Variants in ERC1 observed in about 807,000 individuals in gnomAD.
ERC1 encodes the protein RAB6 interacting protein 2.
Under a neutral mutation model 132.0 loss-of-function variants are expected in ERC1, and 56 were observed. The ratio of observed to expected loss-of-function variants is 0.42; its 90% CI spans 0.34 to 0.53. The LOEUF (loss-of-function observed/expected upper bound fraction) is 0.53, where lower values mean the gene tolerates loss of function less well. Ranked by LOEUF, ERC1 falls within the 20% of genes least tolerant of loss-of-function variation. The pLI, the probability that ERC1 is intolerant of heterozygous loss-of-function variation, is 0.03. For synonymous variants in ERC1, 478 were observed against 476.1 expected (o/e 1.00, Z -0.05); for missense variants, 1,202 against 1,349.9 (o/e 0.89, Z 1.72).
intron 12 of ERC1, among the ~76,000 whole-genome samples, chr12:1,195,875 GCCCC>G (rs5795962): frequency 1.0e-5 from 1 of 97,682 alleles, no homozygotes; most frequent in African/African-American, 3.8e-5. Flanking sequence ...ACTTATTTCC[GCCCC>G]CCCCCCCCTT....
In ERC1 at chr12:1,289,084, TACACACACACACACACAC is replaced by T. The variant is rs57334239; in HGVS notation, c.2620-738_2620-721del. ...TTCTGTCTCCTTTCTATCTGGTATGTACACACACACACACACACACACACACACACACACACACACACA... is the reference window on the plus strand; with the variant it reads ...TTCTGTCTCCTTTCTATCTGGTATGTACACACACACACACACACACACACA... On this transcript the variant is annotated intron_variant, in intron 14 of 18. Coordinates refer to ENST00000360905, the MANE Select transcript of ERC1 (RefSeq NM_178040.4). 7.7e-3 allele frequency among the ~76,000 whole-genome samples: 787 copies of T among 102,874 alleles called. 9 individuals carry two copies. Among genetic ancestry groups the T allele is most frequent in the African/African-American group, 0.027 (724 of 26,976 alleles). The allele number at this position is 102,874 out of a possible 152,430, so 67.5% of individuals were successfully genotyped here.
At chr12:1,075,892 G>A (rs1941263359) in intron 2 of ERC1, among the ~76,000 whole-genome samples, 1 of 152,184 alleles carries the variant, frequency 6.6e-6, no homozygotes, top group African/African-American at 2.4e-5. Flanking sequence ...AGATTTGGCA[G>A]AGGCAGAAGA....
rs1274706622 is a variant in ERC1, at chr12:1,028,496, G to A, written c.593G>A (p.Arg198Gln). ...TGGAGCCCAGAGCTGAAGAAGGAAC[G>A]AGCCCTGAGAAAAGATGAAGCTTCC... ...TFWSPELKKE[R>Q]ALRKDEASKI... The change falls in exon 2 of 19, where the codon CGA becomes CAA. Residue 198 changes from arginine to glutamine, a missense_variant. Arg to Gln is a conservative substitution (Grantham distance 43). Coordinates refer to ENST00000360905, the MANE Select transcript of ERC1 (RefSeq NM_178040.4). The A allele has an allele frequency of 5.0e-6, 8 of 1,613,966 alleles. No individual in the cohort carries two copies. The highest frequency in any genetic ancestry group is 1.1e-5 in the South Asian group (1 of 91,084).
At chr12:1,477,000 T>C (rs2093987349) in intron 18 of ERC1, among the ~76,000 whole-genome samples, 1 of 152,176 alleles carries the variant, frequency 6.6e-6, no homozygotes, top group Non-Finnish European at 1.5e-5. Context: ...GTAAATAGTA[T>C]GAACAGTATG....
At chr12:1,427,560 A>G (rs573714429) in intron 17 of ERC1, among the ~76,000 whole-genome samples, 30 of 152,082 alleles carry the variant, frequency 2.0e-4, no homozygotes, top group Non-Finnish European at 2.9e-4. Flanking sequence ...CTGGCAAGAT[A>G]TATTTTCTTT....
At chr12:1,213,078 T>A (rs1958027400) in intron 12 of ERC1, among the ~76,000 whole-genome samples, 1 of 152,234 alleles carries the variant, frequency 6.6e-6, no homozygotes, top group Non-Finnish European at 1.5e-5. Flanking sequence ...TTCTGCCCTT[T>A]GTGAGGTTAG....
chr12:1,017,200 C>A (rs925659621), intron 1 of ERC1, among the ~76,000 whole-genome samples: 12 of 151,428 alleles, frequency 7.9e-5, no homozygotes, highest in Non-Finnish European at 1.5e-4. Flanking sequence ...TTTCACCATG[C>A]TGGTCAGGCT....
intron 2 of ERC1, among the ~76,000 whole-genome samples, chr12:1,080,574 G>A (rs757229875): frequency 6.6e-6 from 1 of 152,172 alleles, no homozygotes; most frequent in Non-Finnish European, 1.5e-5. Flanking sequence ...GAGGGCCATA[G>A]GAGGAGGTAA....
At position 1,490,237 on chromosome 12, in the gene ERC1, T is replaced by A; in HGVS notation, c.*7T>A. The A allele has an allele frequency of 6.2e-7, 1 of 1,613,102 alleles. No individual in the cohort carries two copies. Among genetic ancestry groups the A allele is most frequent in the Non-Finnish European group, 8.5e-7 (1 of 1,179,368 alleles). On this transcript the variant is annotated 3_prime_UTR_variant, in exon 19 of 19. Transcript: ENST00000360905. Reference sequence around the variant, plus strand: ...CCTGGAAGAGTCCTCTTGACCCTGCTTTATGGGGAAGCCTGAGGTAGTCAA... The same window carrying A: ...CCTGGAAGAGTCCTCTTGACCCTGCATTATGGGGAAGCCTGAGGTAGTCAA...
At chr12:1,392,680 C>T (rs902091744) in intron 16 of ERC1, among the ~76,000 whole-genome samples, 7 of 152,064 alleles carry the variant, frequency 4.6e-5, no homozygotes, top group Admixed American at 3.9e-4. Flanking sequence ...CAAAGTTTTT[C>T]AAATATTTGG....
At chr12:1,431,154 C>T (rs972071647) in intron 17 of ERC1, among the ~76,000 whole-genome samples, 9 of 152,280 alleles carry the variant, frequency 5.9e-5, no homozygotes, top group East Asian at 5.8e-4. Context: ...GCGCTGATGC[C>T]GACTGAGAAC....
intron 13 of ERC1, among the ~76,000 whole-genome samples, chr12:1,239,071 C>T (rs930682762): frequency 9.9e-5 from 15 of 152,264 alleles, no homozygotes; most frequent in African/African-American, 3.4e-4. Flanking sequence ...AGTTCTTTTA[C>T]TAACTACTCA....
intron 12 of ERC1, among the ~76,000 whole-genome samples, chr12:1,235,057 T>G (rs1250013460): frequency 1.3e-5 from 2 of 152,226 alleles, no homozygotes; most frequent in Non-Finnish European, 2.9e-5. Context: ...AAGGAGAAGA[T>G]TGATACATTT....
At chr12:1,471,702 A>C (rs2093865660) in intron 18 of ERC1, among the ~76,000 whole-genome samples, 1 of 152,186 alleles carries the variant, frequency 6.6e-6, no homozygotes, top group South Asian at 2.1e-4. Context: ...GACTTTCACA[A>C]AATAATGGTT....
In ERC1 at chr12:1,237,047, C is replaced by T. The variant is rs1305613532; in HGVS notation, c.2487+143C>T. 6.2e-6 allele frequency: 6 copies of T among 966,702 alleles called. No homozygotes were observed. The African/African-American group carries it at 9.9e-5, about 16-fold the overall frequency. The allele number at this position is 966,702 out of a possible 1,614,324, so 59.9% of individuals were successfully genotyped here. A position where few individuals can be genotyped will look rare whatever the true frequency, so the allele number is the denominator to read the frequency against. ...CCTTCCTCTCAGACCAACTGTTTAG[C>T]AATGAAGGAATGGCTTTAAGTAGAA... On this transcript the variant is annotated intron_variant, in intron 13 of 18. Transcript: ENST00000360905.
upstream of ERC1, chr12:990,269 AAT>A (rs1341290861): frequency 6.6e-6 from 1 of 152,138 alleles, no homozygotes; most frequent in Admixed American, 6.5e-5. Flanking sequence ...GAATAAATAT[AAT>A]TCACACCATT....
At chr12:1,171,497 C>G (rs1953066009) in intron 8 of ERC1, among the ~76,000 whole-genome samples, 1 of 150,686 alleles carries the variant, frequency 6.6e-6, no homozygotes, top group Non-Finnish European at 1.5e-5. Flanking sequence ...CTATTAATTA[C>G]TATAGATCCC....
chr12:1,455,952 A>G (rs1262552927), intron 18 of ERC1, among the ~76,000 whole-genome samples: 1 of 152,226 alleles, frequency 6.6e-6, no homozygotes, highest in East Asian at 1.9e-4. Flanking sequence ...CCACAGGTGC[A>G]GATATTGGAA....
chr12:1,112,380 A>G, intron 6 of ERC1, 82 bp downstream of exon 6: 1 of 975,608 alleles, frequency 1.0e-6, no homozygotes, highest in Non-Finnish European at 1.6e-6. Flanking sequence ...TGGGTGGCTT[A>G]CCCTTTCATT....
Sources: allele counts gnomAD v4.1 joint callset (sites outside exome capture counted in the v4.1 genomes callset), GRCh38; gene constraint gnomAD v4.1.1; transcripts MANE v1.5; gene names NCBI Gene and HGNC (gene_info 2026-07-23, HGNC 2026-07-21).